MLLT10: variants seen among roughly 807,000 people sequenced by gnomAD.
MLLT10 encodes MLLT10 histone lysine methyltransferase DOT1L cofactor.
In MLLT10, 30 loss-of-function variants were observed where a neutral mutation model predicts 129.1. That is an observed-to-expected ratio of 0.23 (90% CI 0.17 to 0.32). The LOEUF (loss-of-function observed/expected upper bound fraction) is 0.32. Among genes scored for constraint, MLLT10 ranks in the 10% least tolerant of loss-of-function variants. The pLI is 1.00. For synonymous variants in MLLT10, 490 were observed against 446.4 expected (o/e 1.10, Z -1.23); for missense variants, 1,119 against 1,268.3 (o/e 0.88, Z 1.79).
chr10:21,733,330 G>A (rs1030356765), intron 18 of MLLT10, among the ~76,000 whole-genome samples, 174 bp from the exon 19 acceptor site: 2 of 152,034 alleles, frequency 1.3e-5, no homozygotes, highest in South Asian at 2.1e-4. Flanking sequence ...TAAAGCGATG[G>A]TATTCAATAT....
chr10:21,727,689 A>G (rs2057626637), intron 15 of MLLT10, among the ~76,000 whole-genome samples, 167 bp from the exon 16 acceptor site: 1 of 152,178 alleles, frequency 6.6e-6, no homozygotes, highest in African/African-American at 2.4e-5. Flanking sequence ...TACATGCCAC[A>G]GTTCAGCAAT....
chr10:21,626,966 TTATGAAGAATTTA>T (rs2046511639), intron 8 of MLLT10, among the ~76,000 whole-genome samples: 1 of 152,154 alleles, frequency 6.6e-6, no homozygotes, highest in Non-Finnish European at 1.5e-5. Context: ...AGAGGCTAGT[TTATGAAGAATTTA>T]TAAGCAGTTA....
chr10:21,648,919 C>A (rs888395961), intron 8 of MLLT10, among the ~76,000 whole-genome samples: 6 of 152,050 alleles, frequency 3.9e-5, no homozygotes, highest in Admixed American at 1.3e-4. Flanking sequence ...ATCATGAGAA[C>A]AGCACAGGAA....
chr10:21,552,176 T>C (rs1293072303), intron 3 of MLLT10, among the ~76,000 whole-genome samples: 1 of 152,126 alleles, frequency 6.6e-6, no homozygotes, highest in East Asian at 1.9e-4. Context: ...TCCTCCAGCC[T>C]TGGCCTCCCA....
chr10:21,743,410 T>C lies in MLLT10; in HGVS notation c.*1427T>C. 1 of 199,406 alleles carries C rather than the reference T, an allele frequency of 5.0e-6. No individual in the cohort carries two copies. Among genetic ancestry groups the C allele is most frequent in the African/African-American group, 2.3e-5 (1 of 43,588 alleles). The allele number at this position is 199,406 out of a possible 1,614,324, so 12.4% of individuals were successfully genotyped here. The stretch of plus-strand genomic sequence containing the variant: ...ATTTAATTGAAAAGTAAAATTAATT[T>C]ATTTTTATATGTTCAGGGGAATTTT... On this transcript the variant is annotated 3_prime_UTR_variant, in exon 23 of 23. Coordinates refer to ENST00000307729, the MANE Select transcript of MLLT10 (RefSeq NM_001195626.3).
intron 21 of MLLT10, among the ~76,000 whole-genome samples, 179 bp downstream of exon 21, chr10:21,735,414 C>CT (rs1429674748): frequency 6.6e-6 from 1 of 152,186 alleles, no homozygotes; most frequent in Non-Finnish European, 1.5e-5. Flanking sequence ...CATTCCTGAA[C>CT]TTAAAAGTGA....
At chr10:21,646,853 C>CTTTTT in intron 8 of MLLT10, among the ~76,000 whole-genome samples, 1 of 139,888 alleles carries the variant, frequency 7.1e-6, no homozygotes, top group Admixed American at 7.2e-5. Context: ...TGACTATTCC[C>CTTTTT]TTTTTTTTTT....
chr10:21,678,382 T>G (rs1443192495), intron 11 of MLLT10, among the ~76,000 whole-genome samples: 2 of 152,174 alleles, frequency 1.3e-5, no homozygotes, highest in East Asian at 3.9e-4. Flanking sequence ...GGATTACAGG[T>G]GTGAGCCACT....
intron 11 of MLLT10, 114 bp downstream of exon 11, chr10:21,674,033 TA>T: frequency 1.3e-6 from 1 of 786,748 alleles, no homozygotes; most frequent in Non-Finnish European, 1.8e-6. Flanking sequence ...AAATGACATT[TA>T]ATTAAAGTGA....
intron 7 of MLLT10, 62 bp downstream of exon 7, chr10:21,614,986 T>C (rs1262194418): frequency 1.0e-5 from 14 of 1,345,816 alleles, no homozygotes; most frequent in Non-Finnish European, 1.3e-5. Flanking sequence ...AGAATGACAC[T>C]GTTTTATTAA....
At position 21,742,606 on chromosome 10, in the gene MLLT10, G is replaced by A. The variant is rs1466769979; in HGVS notation, c.*623G>A. 1 of 220,514 alleles carries A rather than the reference G, an allele frequency of 4.5e-6. No individual in the cohort carries two copies. The highest frequency in any genetic ancestry group is 6.7e-5 in the East Asian group (1 of 14,890). The allele number at this position is 220,514 out of a possible 1,614,324, so 13.7% of individuals were successfully genotyped here. Reference sequence around the variant, plus strand: ...ATGGTAATGTCTGCATCTGCTAAAGGTAATTTTCTTTTGAGAATTGCTTTC... The same window carrying A: ...ATGGTAATGTCTGCATCTGCTAAAGATAATTTTCTTTTGAGAATTGCTTTC... On this transcript the variant is annotated 3_prime_UTR_variant, in exon 23 of 23. Transcript: ENST00000307729.
intron 3 of MLLT10, among the ~76,000 whole-genome samples, chr10:21,580,859 G>T (rs899429764): frequency 8.1e-6 from 1 of 123,674 alleles, no homozygotes; most frequent in Non-Finnish European, 1.6e-5. Flanking sequence ...ACACCACCAC[G>T]CCCAGCTCAT....
At chr10:21,572,993 A>T (rs1418032045) in intron 3 of MLLT10, among the ~76,000 whole-genome samples, 1 of 152,164 alleles carries the variant, frequency 6.6e-6, no homozygotes, top group Non-Finnish European at 1.5e-5. Flanking sequence ...ATAAAGTATT[A>T]TAAAAATTTC....
chr10:21,689,503 A>G (rs1187119401), intron 13 of MLLT10, among the ~76,000 whole-genome samples: 1 of 147,450 alleles, frequency 6.8e-6, no homozygotes, highest in African/African-American at 2.5e-5. Context: ...TACAGTTAGC[A>G]TGAGCAATGG....
chr10:21,557,716 G>GGACT (rs1398305829), intron 3 of MLLT10: 1 of 151,988 alleles, frequency 6.6e-6, no homozygotes, highest in African/African-American at 2.4e-5. Flanking sequence ...ATCCTGGAAA[G>GGACT]GACTCTGATT....
chr10:21,582,539 A>G (rs1025019052), intron 3 of MLLT10, among the ~76,000 whole-genome samples: 10 of 152,230 alleles, frequency 6.6e-5, no homozygotes. Context: ...TTGTTGTTTC[A>G]GACATCCACT....
chr10:21,568,223 A>C (rs1010944847), intron 3 of MLLT10, among the ~76,000 whole-genome samples: 2 of 152,228 alleles, frequency 1.3e-5, no homozygotes, highest in African/African-American at 4.8e-5. Context: ...GAGAATACCC[A>C]GGGAATTTAC....
intron 22 of MLLT10, 75 bp downstream of exon 22, chr10:21,740,311 C>T (rs1467823356): frequency 6.6e-6 from 10 of 1,506,922 alleles, no homozygotes; most frequent in Non-Finnish European, 9.1e-6. Flanking sequence ...ATTTTCCAGC[C>T]TGGTTTTGTT....
intron 8 of MLLT10, among the ~76,000 whole-genome samples, chr10:21,632,567 A>C (rs965078336): frequency 2.6e-5 from 4 of 152,246 alleles, no homozygotes; most frequent in Non-Finnish European, 5.9e-5. Flanking sequence ...AATTCGAGAC[A>C]CCATGCTCAA....
Sources: gnomAD v4.1 joint callset for allele counts (sites outside exome capture counted in the v4.1 genomes callset) on GRCh38, gnomAD v4.1.1 for gene constraint, MANE v1.5 for transcripts, NCBI Gene and HGNC (gene_info 2026-07-23, HGNC 2026-07-21) for gene names.